The following NALF1 variants were observed in gnomAD, a reference collection of about 807,000 sequenced individuals.
The protein encoded by NALF1 is family with sequence similarity 155 member A.
A neutral mutation model predicts 48.4 loss-of-function variants in NALF1; 3 were observed. The observed-to-expected ratio is 0.06, with a 90% CI of 0.03 to 0.16. The LOEUF (loss-of-function observed/expected upper bound fraction) is 0.16. NALF1 is among the 10% of genes least tolerant of loss of function. The pLI, the probability that NALF1 is intolerant of heterozygous loss-of-function variation, is 1.00. For synonymous variants in NALF1, 262 were observed against 245.7 expected (o/e 1.07, Z -0.62); for missense variants, 526 against 571.5 (o/e 0.92, Z 0.81).
At chr13:107,687,930 CA>C (rs1036021861) in intron 1 of NALF1, among the ~76,000 whole-genome samples, 10 of 152,150 alleles carry the variant, frequency 6.6e-5, no homozygotes, top group African/African-American at 2.4e-4. Flanking sequence ...ATCCCAAAAC[CA>C]AAAATTAGGC....
chr13:107,762,562 T>C (rs375513492), intron 1 of NALF1, among the ~76,000 whole-genome samples: 1 of 152,008 alleles, frequency 6.6e-6, no homozygotes, highest in Admixed American at 6.6e-5. Context: ...ACATTGTGTA[T>C]GGAGGTAAGG....
In NALF1 at chr13:107,381,551, C is replaced by T. The variant is rs545902064; in HGVS notation, c.916-170796G>A. On this transcript the variant is annotated intron_variant, in intron 1 of 2. Transcript: ENST00000375915. Reference sequence around the variant, plus strand: ...GCCCTTTCTGCCACCTGCATCCCTACGCACCGCCCCACCACCCCACCCACT... The same window carrying T: ...GCCCTTTCTGCCACCTGCATCCCTATGCACCGCCCCACCACCCCACCCACT... 4.6e-5 allele frequency among the ~76,000 whole-genome samples: 7 copies of T among 152,016 alleles called. No homozygotes were observed. In the South Asian group the frequency reaches 6.3e-4, roughly 14 times the overall value.
At chr13:107,859,485 G>C (rs990191754) in intron 1 of NALF1, among the ~76,000 whole-genome samples, 7 of 152,052 alleles carry the variant, frequency 4.6e-5, no homozygotes, top group Admixed American at 3.9e-4. Context: ...AAAAGCCCAA[G>C]AATTTTAAAA....
In NALF1 at chr13:107,298,014, A is replaced by T. The variant is rs544175969; in HGVS notation, c.916-87259T>A. 2.0e-5 allele frequency among the ~76,000 whole-genome samples: 3 copies of T among 152,290 alleles called. No homozygotes were observed. The South Asian group carries it at 6.2e-4, about 32-fold the overall frequency. On this transcript the variant is annotated intron_variant, in intron 1 of 2. Transcript: ENST00000375915. ...TCCACCCAAATATCTCCCATACTGT[A>T]TTCAAAACCATTTCAATATTTTTGC... is the stretch of plus-strand genomic sequence containing the variant.
At chr13:107,600,839 A>G (rs1252471515) in intron 1 of NALF1, among the ~76,000 whole-genome samples, 1 of 152,216 alleles carries the variant, frequency 6.6e-6, no homozygotes, top group Non-Finnish European at 1.5e-5. Flanking sequence ...TATTTGTTGA[A>G]TGAATGCAGA....
At chr13:107,498,762 C>A (rs1465958364) in intron 1 of NALF1, among the ~76,000 whole-genome samples, 7 of 152,022 alleles carry the variant, frequency 4.6e-5, no homozygotes, top group Non-Finnish European at 8.8e-5. Context: ...ACAATGAGTT[C>A]AATGTTCTTT....
At chr13:107,539,396 G>T (rs1383659412) in intron 1 of NALF1, among the ~76,000 whole-genome samples, 1 of 150,690 alleles carries the variant, frequency 6.6e-6, no homozygotes, top group Non-Finnish European at 1.5e-5. Context: ...ATCCATTGAA[G>T]AGGGCTCTGC....
At chr13:107,849,441 A>C (rs1318923188) in intron 1 of NALF1, among the ~76,000 whole-genome samples, 1 of 152,194 alleles carries the variant, frequency 6.6e-6, no homozygotes, top group Non-Finnish European at 1.5e-5. Flanking sequence ...GTGGTAAGTT[A>C]ATCTGCAAGC....
chr13:107,380,631 A>G (rs142684424), intron 1 of NALF1, among the ~76,000 whole-genome samples: 243 of 152,264 alleles, frequency 1.6e-3, no homozygotes, highest in African/African-American at 5.3e-3. Flanking sequence ...AAAATATTCT[A>G]TTTTGAAGGA....
At chr13:107,536,511 A>G (rs1429379949) in intron 1 of NALF1, among the ~76,000 whole-genome samples, 1 of 152,180 alleles carries the variant, frequency 6.6e-6, no homozygotes, top group Non-Finnish European at 1.5e-5. Flanking sequence ...GAGAAATGCA[A>G]ATCAAAACTA....
chr13:107,769,216 T>C (rs1877505163), intron 1 of NALF1, among the ~76,000 whole-genome samples: 1 of 148,718 alleles, frequency 6.7e-6, no homozygotes, highest in African/African-American at 2.5e-5. Flanking sequence ...CTATAAATCA[T>C]GCTGCTATAA....
At chr13:107,862,756 T>G (rs980905465) in intron 1 of NALF1, among the ~76,000 whole-genome samples, 1 of 151,928 alleles carries the variant, frequency 6.6e-6, no homozygotes, top group East Asian at 1.9e-4. Context: ...TTCTGAATAA[T>G]TGGTCAAAAA....
intron 1 of NALF1, among the ~76,000 whole-genome samples, chr13:107,250,033 G>C (rs540409492): frequency 7.9e-5 from 12 of 150,978 alleles, no homozygotes; most frequent in Non-Finnish European, 1.6e-4. Context: ...ATTCTCTAGG[G>C]GTTTTAGAGA....
intron 1 of NALF1, among the ~76,000 whole-genome samples, chr13:107,262,769 G>GCGCGCGCTCTCTCTCTCT (rs36027059): frequency 0.012 from 1,680 of 144,024 alleles, 25 homozygotes; most frequent in African/African-American, 0.032. Context: ...ACCCACAGGC[G>GCGCGCGCTCTCTCTCTCT]CTCTCTCTCT....
intron 1 of NALF1, among the ~76,000 whole-genome samples, chr13:107,491,159 T>G (rs972434879): frequency 2.6e-5 from 4 of 152,144 alleles, no homozygotes; most frequent in Admixed American, 2.6e-4. Context: ...GAACACCTAG[T>G]TGAGATGGAA....
At chr13:107,444,331 T>C (rs1884613347) in intron 1 of NALF1, among the ~76,000 whole-genome samples, 7 of 152,164 alleles carry the variant, frequency 4.6e-5, no homozygotes, top group Admixed American at 4.6e-4. Flanking sequence ...CAGACTTACA[T>C]TGATTGATGG....
chr13:107,271,459 C>T (rs563297601), intron 1 of NALF1, among the ~76,000 whole-genome samples: 1 of 152,172 alleles, frequency 6.6e-6, no homozygotes, highest in African/African-American at 2.4e-5. Context: ...AAAGTAATTA[C>T]TTGGGACACA....
chr13:107,443,214 A>ATCTATCTC (rs1429983797), intron 1 of NALF1, among the ~76,000 whole-genome samples: 72 of 149,716 alleles, frequency 4.8e-4, no homozygotes, highest in African/African-American at 1.7e-3. Context: ...CTATCTATCT[A>ATCTATCTC]TCTATCGATA....
chr13:107,702,729 G>GT (rs1881853184), intron 1 of NALF1, among the ~76,000 whole-genome samples: 2 of 151,880 alleles, frequency 1.3e-5, no homozygotes, highest in Admixed American at 6.6e-5. Flanking sequence ...CCCAGTGTGC[G>GT]TTTTTCCCCC....
Sources: gnomAD v4.1 joint callset for allele counts (sites outside exome capture counted in the v4.1 genomes callset) on GRCh38, gnomAD v4.1.1 for gene constraint, MANE v1.5 for transcripts, NCBI Gene and HGNC (gene_info 2026-07-23, HGNC 2026-07-21) for gene names.